The following ULK4 variants were observed in gnomAD, a reference collection of about 807,000 sequenced individuals.
ULK4 encodes unc-51 like kinase 4.
A neutral mutation model predicts 160.6 loss-of-function variants in ULK4; 133 were observed. The ratio of observed to expected loss-of-function variants is 0.83; its 90% confidence interval spans 0.72 to 0.96. ULK4 has a LOEUF of 0.96. Ranked by LOEUF, ULK4 falls within the 40% of genes least tolerant of loss-of-function variation. The pLI, the probability that ULK4 is intolerant of heterozygous loss-of-function variation, is 0.00. For missense variants in ULK4, 1,580 were observed against 1,499.5 expected (o/e 1.05, Z -0.89); for synonymous variants, 534 against 539.8 (o/e 0.99, Z 0.15).
At chr3:41,477,177 A>C (rs546388744) in intron 32 of ULK4, among the ~76,000 whole-genome samples, 1 of 152,306 alleles carries the variant, frequency 6.6e-6, no homozygotes, top group East Asian at 1.9e-4. Flanking sequence ...AAAAAATCCA[A>C]GATTTATTTT....
At chr3:41,950,247 C>T (rs1559671690) in intron 2 of ULK4, among the ~76,000 whole-genome samples, 1 of 151,872 alleles carries the variant, frequency 6.6e-6, no homozygotes, top group Non-Finnish European at 1.5e-5. Flanking sequence ...CCACCACCCC[C>T]GGCTAATTTT....
At chr3:41,567,312 A>G (rs994698808) in intron 31 of ULK4, among the ~76,000 whole-genome samples, 1 of 152,176 alleles carries the variant, frequency 6.6e-6, no homozygotes, top group African/African-American at 2.4e-5. Context: ...GTATTAGAAG[A>G]TAGCAAGTAC....
At chr3:41,259,374 A>C (rs2125675267) in intron 35 of ULK4, among the ~76,000 whole-genome samples, 1 of 152,292 alleles carries the variant, frequency 6.6e-6, no homozygotes, top group Admixed American at 6.5e-5. Context: ...TTCCCCAAAT[A>C]CAAACTAGCA....
chr3:41,680,889 A>T (rs1005338876), intron 29 of ULK4, among the ~76,000 whole-genome samples: 1 of 152,224 alleles, frequency 6.6e-6, no homozygotes, highest in African/African-American at 2.4e-5. Context: ...TAGCTTTGAT[A>T]AAATTGACAG....
At chr3:41,737,666 G>A (rs2038102725) in intron 22 of ULK4, among the ~76,000 whole-genome samples, 1 of 151,846 alleles carries the variant, frequency 6.6e-6, no homozygotes, top group Admixed American at 6.6e-5. Flanking sequence ...CCCCCATGCA[G>A]AAACAATTTG....
Position 41,398,183 on chromosome 3 carries a change from G to A in ULK4, c.3574C>T (p.Pro1192Ser), listed in dbSNP as rs754228128. 4 of 1,613,420 alleles carry A rather than the reference G, an allele frequency of 2.5e-6. No homozygotes were observed. The highest frequency in any genetic ancestry group is 1.1e-5 in the South Asian group (1 of 91,050). Reference sequence around the variant, plus strand: ...ACATTTTCAGGAGAGAGGCTGTCCGGGTTTTCCCCTCCATACAGCTGAACC... The same window carrying A: ...ACATTTTCAGGAGAGAGGCTGTCCGAGTTTTCCCCTCCATACAGCTGAACC... Reference protein sequence around the residue: ...ILVQLYGGENPDSLSPENVEI... With the variant: ...ILVQLYGGENSDSLSPENVEI... The change falls in exon 35 of 37, where the codon CCG becomes TCG. Residue 1192 changes from proline (P) to serine (S), a missense_variant. Pro to Ser is a moderately conservative substitution (Grantham distance 74). Coordinates refer to ENST00000301831, the MANE Select transcript of ULK4 (RefSeq NM_017886.4).
At chr3:41,934,640 C>T (rs755126306) in intron 4 of ULK4, among the ~76,000 whole-genome samples, 2 of 152,028 alleles carry the variant, frequency 1.3e-5, no homozygotes, top group African/African-American at 4.8e-5. Flanking sequence ...GTAATTTGTC[C>T]GGGTTCACAT....
chr3:41,695,201 C>T (rs376232144), intron 27 of ULK4, among the ~76,000 whole-genome samples: 163 of 152,316 alleles, frequency 1.1e-3, no homozygotes, highest in African/African-American at 3.8e-3. Flanking sequence ...CTCCTGAAGT[C>T]CCCACCTCTT....
intron 31 of ULK4, among the ~76,000 whole-genome samples, chr3:41,571,761 GAAAGGGCA>G (rs1559404462): frequency 6.6e-6 from 1 of 152,044 alleles, no homozygotes; most frequent in African/African-American, 2.4e-5. Context: ...ATCCCAGGGT[GAAAGGGCA>G]ATACAGGGGA....
At chr3:41,938,486 A>C (rs1699851825) in intron 2 of ULK4, among the ~76,000 whole-genome samples, 1 of 152,190 alleles carries the variant, frequency 6.6e-6, no homozygotes, top group African/African-American at 2.4e-5. Context: ...GTACAAGAGC[A>C]GCCTGACCAA....
chr3:41,940,885 A>C (rs978668585), intron 2 of ULK4, among the ~76,000 whole-genome samples: 2 of 152,200 alleles, frequency 1.3e-5, no homozygotes, highest in Non-Finnish European at 2.9e-5. Flanking sequence ...TCTGTTAAAA[A>C]ATACTAAGTT....
intron 30 of ULK4, among the ~76,000 whole-genome samples, chr3:41,646,621 T>C (rs2034505702): frequency 6.6e-6 from 1 of 152,228 alleles, no homozygotes; most frequent in Non-Finnish European, 1.5e-5. Context: ...TGGCTGCCCT[T>C]AACATTTTTT....
intron 30 of ULK4, among the ~76,000 whole-genome samples, chr3:41,659,296 G>T (rs1209762676): frequency 6.6e-6 from 1 of 152,112 alleles, no homozygotes; most frequent in Non-Finnish European, 1.5e-5. Context: ...ATTCATGACA[G>T]CAAAAATACG....
chr3:41,487,203 T>C (rs1158452166), intron 32 of ULK4, among the ~76,000 whole-genome samples: 1 of 152,070 alleles, frequency 6.6e-6, no homozygotes, highest in African/African-American at 2.4e-5. Context: ...TGTAAAGATA[T>C]AAAAGGAAAA....
intron 17 of ULK4, among the ~76,000 whole-genome samples, chr3:41,880,411 A>C (rs1697474488): frequency 6.6e-6 from 1 of 152,222 alleles, no homozygotes; most frequent in African/African-American, 2.4e-5. Context: ...ACAGAATAAG[A>C]TGAAAGAGAT....
At chr3:41,356,724 G>A (rs1459459662) in intron 35 of ULK4, among the ~76,000 whole-genome samples, 1 of 152,158 alleles carries the variant, frequency 6.6e-6, no homozygotes. Flanking sequence ...CTTCTGGTTA[G>A]GATGTTTCAC....
chr3:41,631,753 AAGCTG>A (rs889896973), intron 30 of ULK4, among the ~76,000 whole-genome samples: 4 of 152,042 alleles, frequency 2.6e-5, no homozygotes, highest in Non-Finnish European at 5.9e-5. Context: ...AGAAATGGGA[AAGCTG>A]AAGTCAAGAG....
chr3:41,762,180 C>T (rs566259433), intron 21 of ULK4, among the ~76,000 whole-genome samples: 4 of 151,996 alleles, frequency 2.6e-5, no homozygotes, highest in African/African-American at 7.2e-5. Flanking sequence ...TTAAACAAAC[C>T]GTAAGAGAAA....
chr3:41,869,641 A>C (rs987963924), intron 17 of ULK4, among the ~76,000 whole-genome samples: 1 of 152,232 alleles, frequency 6.6e-6, no homozygotes, highest in African/African-American at 2.4e-5. Context: ...ATATAGGGAT[A>C]CAATAAAATC....
Sources: gnomAD v4.1 joint callset for allele counts (sites outside exome capture counted in the v4.1 genomes callset) on GRCh38, gnomAD v4.1.1 for gene constraint, MANE v1.5 for transcripts, NCBI Gene and HGNC (gene_info 2026-07-23, HGNC 2026-07-21) for gene names.